The following SPTA1 variants were observed in gnomAD, a reference collection of about 807,000 sequenced individuals.
The protein encoded by SPTA1 is spectrin alpha chain, erythrocytic 1.
A neutral mutation model predicts 324.7 loss-of-function variants in SPTA1; 177 were observed. The observed-to-expected ratio is 0.55, with a 90% confidence interval of 0.48 to 0.62. The LOEUF (loss-of-function observed/expected upper bound fraction) is 0.62. Ranked by LOEUF, SPTA1 falls within the 20% of genes least tolerant of loss-of-function variation. The pLI is 0.00. For missense variants in SPTA1, 3,162 were observed against 2,883.6 expected (o/e 1.10, Z -2.21); for synonymous variants, 1,195 against 1,041.3 (o/e 1.15, Z -2.84).
intron 40 of SPTA1, 122 bp from the exon 41 acceptor site, chr1:158,627,129 T>G (rs1650331279): frequency 7.6e-7 from 1 of 1,324,226 alleles, no homozygotes; most frequent in Non-Finnish European, 1.1e-6. Flanking sequence ...GTGACCGTCT[T>G]AGTTTGTGTA....
chr1:158,641,471 C>T (rs1024626030), intron 33 of SPTA1, among the ~76,000 whole-genome samples: 134 of 152,214 alleles, frequency 8.8e-4, no homozygotes, highest in African/African-American at 3.0e-3. Context: ...AAGAAAAAAA[C>T]AAACAACCCC....
chr1:158,642,748 G>A lies in SPTA1; in HGVS notation c.4605+66C>T, dbSNP rs1571429832. 13 of 1,610,806 alleles carry A rather than the reference G, an allele frequency of 8.1e-6. No individual in the cohort carries two copies. The East Asian group carries it at 2.9e-4, about 36-fold the overall frequency. On this transcript the variant is annotated intron_variant, in intron 32 of 51. Coordinates refer to ENST00000643759, the MANE Select transcript of SPTA1 (RefSeq NM_003126.4). The stretch of plus-strand genomic sequence containing the variant: ...GTCAGAAAGTGTTAAAGTATCAAGG[G>A]TGATGACTATCCAACCAACAAGCTC...
At chr1:158,620,968 CTT>C (rs374925735) in intron 43 of SPTA1, among the ~76,000 whole-genome samples, 4 of 151,956 alleles carry the variant, frequency 2.6e-5, no homozygotes, top group African/African-American at 9.7e-5. Context: ...ACCCAGCTGA[CTT>C]CTCTTTGACA....
At chr1:158,685,730 T>G (rs892299309) in intron 1 of SPTA1, among the ~76,000 whole-genome samples, 1 of 152,180 alleles carries the variant, frequency 6.6e-6, no homozygotes, top group African/African-American at 2.4e-5. Flanking sequence ...TGAGAAGTGC[T>G]TATTATTTTT....
In SPTA1 at chr1:158,657,643, T is replaced by C; in HGVS notation, c.2639A>G (p.Asn880Ser). The change falls in exon 19 of 52, where the codon AAT (asparagine) becomes AGT (serine). Residue 880 changes from asparagine to serine, a missense_variant. By Grantham distance (46) the Asn-to-Ser change is conservative. Transcript: ENST00000643759. ...AGCTCGAGCACGGAGAGACTCCATATTCTGGTTCAAACTCTTGACCCTAGA... is the reference window on the plus strand; with the variant it reads ...AGCTCGAGCACGGAGAGACTCCATACTCTGGTTCAAACTCTTGACCCTAGA... ...VASRVKSLNQ[N>S]MESLRARAAR... The C allele has an allele frequency of 1.2e-6, 2 of 1,614,058 alleles. No individual in the cohort carries two copies. The highest frequency in any genetic ancestry group is 1.7e-6 in the Non-Finnish European group (2 of 1,180,016).
chr1:158,676,200 G>T lies in SPTA1; in HGVS notation c.1053C>A (p.Ser351Arg). The T allele has an allele frequency of 6.2e-7, 1 of 1,613,772 alleles. No individual in the cohort carries two copies. The highest frequency in any genetic ancestry group is 8.5e-7 in the Non-Finnish European group (1 of 1,179,788). The change falls in exon 8 of 52, where the codon AGC becomes AGA. Residue 351 changes from serine to arginine, a missense_variant. By Grantham distance (110) the Ser-to-Arg change is moderately radical. Coordinates refer to ENST00000643759, the MANE Select transcript of SPTA1 (RefSeq NM_003126.4). ...TGGCCAGGGCACGAATATGCTCCCA[G>T]CTGGAGACCAGATCTTCTTTCATCT... ...IQEMKEDLVS[S>R]WEHIRALATS... is the part of the protein sequence containing the mutation.
At position 158,674,659 on chromosome 1, in the gene SPTA1, A is replaced by G. The variant is rs760537585; in HGVS notation, c.1129T>C (p.Ser377Pro). 3 of 1,613,778 alleles carry G rather than the reference A, an allele frequency of 1.9e-6. No homozygotes were observed. The highest frequency in any genetic ancestry group is 1.7e-6 in the Non-Finnish European group (2 of 1,179,974). The change falls in exon 9 of 52, where the codon TCT becomes CCT. Residue 377 changes from serine to proline, a missense_variant. Physicochemically the swap from Ser to Pro is moderately conservative, Grantham distance 74. Coordinates refer to ENST00000643759, the MANE Select transcript of SPTA1 (RefSeq NM_003126.4). ...QATYWYHRFS[S>P]DFDELSGWMN... Reference sequence around the variant, plus strand: ...CAGCCTGAGAGTTCATCAAAGTCAGATGAAAATCGATGGTACCTGTGGGAA... The same window carrying G: ...CAGCCTGAGAGTTCATCAAAGTCAGGTGAAAATCGATGGTACCTGTGGGAA...
At position 158,678,456 on chromosome 1, in the gene SPTA1, C is replaced by G. The variant is rs1384649105; in HGVS notation, c.757G>C (p.Ala253Pro). The G allele has an allele frequency of 6.2e-7, 1 of 1,613,622 alleles. No individual in the cohort carries two copies. The highest frequency in any genetic ancestry group is 1.3e-5 in the African/African-American group (1 of 74,874). Residue 253 changes from alanine to proline, a missense_variant, in exon 6 of 52, where the codon GCT (alanine) becomes CCT (proline). Transcript: ENST00000643759. Reference sequence around the variant, plus strand: ...GACAGAGCTTTCTGTCTCTGGAGAGCCAAACCACGAAGGCGCTCCCAGGCA... The same window carrying G: ...GACAGAGCTTTCTGTCTCTGGAGAGGCAAACCACGAAGGCGCTCCCAGGCA... ...NAAWERLRGLALQRQKALSNA... is the reference protein window; with the variant it reads ...NAAWERLRGLPLQRQKALSNA...
chr1:158,634,624 A>T lies in SPTA1; in HGVS notation c.5484T>A (p.Ala1828=), dbSNP rs1401707381. The T allele has an allele frequency of 1.9e-6, 3 of 1,614,174 alleles. No individual in the cohort carries two copies. The Admixed American group carries it at 5.0e-5, about 27-fold the overall frequency. The stretch of plus-strand genomic sequence containing the variant: ...CATTGATCCAAGCTTCCTCTTCCTC[A>T]GCATTCTGCATGAATTGCAAGTATT... ...SLEYLQFMQN[A]EEEEAWINEK... is the part of the protein sequence containing the mutation. The change falls in exon 39 of 52, where the codon GCT becomes GCA. Residue 1828 remains alanine (A), a synonymous_variant. Coordinates refer to ENST00000643759, the MANE Select transcript of SPTA1 (RefSeq NM_003126.4).
At chr1:158,683,628 G>A (rs1400037255) in intron 2 of SPTA1, 132 bp from the exon 3 acceptor site, 2 of 1,173,398 alleles carry the variant, frequency 1.7e-6, no homozygotes, top group Non-Finnish European at 2.5e-6. Flanking sequence ...GTATTTTCCT[G>A]TCCCCACTGG....
At chr1:158,650,458 C>G (rs946167061) in intron 24 of SPTA1, among the ~76,000 whole-genome samples, 3 of 152,166 alleles carry the variant, frequency 2.0e-5, no homozygotes, top group Non-Finnish European at 4.4e-5. Flanking sequence ...TTCCAGAGAA[C>G]TAGACTGAAC....
At position 158,656,548 on chromosome 1, in the gene SPTA1, G is replaced by T. The variant is rs750751428; in HGVS notation, c.2898+16C>A. The T allele has an allele frequency of 2.5e-6, 4 of 1,605,042 alleles. No homozygotes were observed. The highest frequency in any genetic ancestry group is 1.3e-5 in the African/African-American group (1 of 74,518). ...GGTGGGAAGTGTGAATCCTGTCATCGCTAAGTTAGTCTTACCTGGCAGGCG... is the reference window on the plus strand; with the variant it reads ...GGTGGGAAGTGTGAATCCTGTCATCTCTAAGTTAGTCTTACCTGGCAGGCG... On this transcript the variant is annotated intron_variant, in intron 20 of 51. Transcript: ENST00000643759.
intron 26 of SPTA1, 82 bp from the exon 27 acceptor site, chr1:158,647,802 TCAG>T: frequency 1.4e-6 from 2 of 1,457,308 alleles, no homozygotes; most frequent in Non-Finnish European, 1.9e-6. Context: ...GTCCCAGTAT[TCAG>T]CTCCTCAAAT....
In SPTA1 at chr1:158,656,740, T is replaced by C. The variant is rs557330832; in HGVS notation, c.2806-84A>G. 46 of 1,302,184 alleles carry C rather than the reference T, an allele frequency of 3.5e-5. No homozygotes were observed. In the South Asian group the frequency reaches 4.5e-4, roughly 13 times the overall value. 80.7% of individuals were successfully genotyped at this position (1,302,184 alleles called of 1,614,324 possible). ...CTACTATTATTTTGGGTTATGCTAT[T>C]TGTCTTAAATCCTGGTAAAAGCTGC... On this transcript the variant is annotated intron_variant, in intron 19 of 51. Transcript: ENST00000643759.
chr1:158,655,084 T>C (rs1489368906), intron 20 of SPTA1, among the ~76,000 whole-genome samples: 1 of 152,168 alleles, frequency 6.6e-6, no homozygotes, highest in African/African-American at 2.4e-5. Context: ...AACAGGATTA[T>C]ACACATCAAC....
intron 33 of SPTA1, among the ~76,000 whole-genome samples, chr1:158,640,750 T>C (rs1651493931): frequency 6.6e-6 from 1 of 152,166 alleles, no homozygotes; most frequent in Admixed American, 6.5e-5. Context: ...AATTTATAGA[T>C]TCAAGGCCAT....
At chr1:158,661,258 T>C in intron 18 of SPTA1, 29 bp downstream of exon 18, 3 of 1,613,758 alleles carry the variant, frequency 1.9e-6, no homozygotes, top group Non-Finnish European at 2.5e-6. Flanking sequence ...TGGTGATGTT[T>C]TGTCCAACTG....
At chr1:158,682,326 C>T (rs1217487247) in intron 3 of SPTA1, among the ~76,000 whole-genome samples, 1 of 152,132 alleles carries the variant, frequency 6.6e-6, no homozygotes, top group Non-Finnish European at 1.5e-5. Context: ...CCACATATGT[C>T]GTTAAACCCC....
At position 158,652,613 on chromosome 1, in the gene SPTA1, G is replaced by T. The variant is rs532583930; in HGVS notation, c.3229C>A (p.Arg1077Ser). The T allele has an allele frequency of 1.9e-6, 3 of 1,614,072 alleles. No individual in the cohort carries two copies. The highest frequency in any genetic ancestry group is 2.2e-5 in the East Asian group (1 of 44,864). The change falls in exon 23 of 52, where the codon CGT becomes AGT. Residue 1077 changes from arginine (R) to serine (S), a missense_variant. Physicochemically the swap from Arg to Ser is moderately radical, Grantham distance 110. Transcript: ENST00000643759. ...AATTCATTATAACGTTGCAATAGAC[G>T]ACGTCTGCGTTCTTCTGCCCGATCC... ...LLDRAEERRR[R>S]LLQRYNEFLL...
Sources: gnomAD v4.1 joint callset for allele counts (sites outside exome capture counted in the v4.1 genomes callset) on GRCh38, gnomAD v4.1.1 for gene constraint, MANE v1.5 for transcripts, NCBI Gene and HGNC (gene_info 2026-07-23, HGNC 2026-07-21) for gene names.